Variants in PDE4D observed in about 807,000 individuals in gnomAD.
The protein encoded by PDE4D is 3',5'-cyclic-AMP phosphodiesterase 4D.
In PDE4D, 24 loss-of-function variants were observed where a neutral mutation model predicts 87.4. The ratio of observed to expected loss-of-function variants is 0.27; its 90% CI spans 0.20 to 0.39. The LOEUF is 0.39. Ranked by LOEUF, PDE4D falls within the 10% of genes least tolerant of loss-of-function variation. PDE4D has a pLI of 1.00. For missense variants in PDE4D, 714 were observed against 1,041.0 expected, an observed-to-expected ratio of 0.69 and a Z score of 4.32; for synonymous variants, 384 against 383.2, an observed-to-expected ratio of 1.00 and a Z score of -0.02.
intron 1 of PDE4D, among the ~76,000 whole-genome samples, chr5:60,520,548 C>T (rs1487491905): frequency 1.3e-5 from 2 of 152,276 alleles, no homozygotes; most frequent in Non-Finnish European, 2.9e-5. Flanking sequence ...CTTGTGAGTC[C>T]AGAAAAGAGA....
At chr5:59,171,301 A>AC (rs1340408730) in intron 5 of PDE4D, among the ~76,000 whole-genome samples, 1 of 151,874 alleles carries the variant, frequency 6.6e-6, no homozygotes, top group Non-Finnish European at 1.5e-5. Flanking sequence ...CCCCACTTCC[A>AC]CCCCAGTTCA....
At chr5:60,476,269 G>T (rs1379654990) in intron 1 of PDE4D, among the ~76,000 whole-genome samples, 1 of 152,196 alleles carries the variant, frequency 6.6e-6, no homozygotes, top group Non-Finnish European at 1.5e-5. Context: ...CCGGAAGTCT[G>T]TTGGGTCTAC....
At chr5:59,689,038 A>T (rs1750426680) in intron 1 of PDE4D, among the ~76,000 whole-genome samples, 1 of 152,234 alleles carries the variant, frequency 6.6e-6, no homozygotes. Flanking sequence ...TGAATCCCTC[A>T]ATAGACCAAT....
intron 1 of PDE4D, among the ~76,000 whole-genome samples, chr5:59,651,128 A>C (rs911470082): frequency 6.6e-6 from 1 of 151,486 alleles, no homozygotes; most frequent in Non-Finnish European, 1.5e-5. Flanking sequence ...TGGTGGCAGG[A>C]GCCTGTAGTC....
intron 1 of PDE4D, among the ~76,000 whole-genome samples, chr5:60,437,653 T>G (rs1057460488): frequency 1.1e-4 from 17 of 152,154 alleles, no homozygotes; most frequent in Non-Finnish European, 2.2e-4. Flanking sequence ...ATGTTTATAT[T>G]AATACCCTTT....
Position 58,972,295 on chromosome 5 carries a change from C to T in PDE4D, c.*2369G>A, listed in dbSNP as rs796829320. On this transcript the variant is annotated 3_prime_UTR_variant, in exon 15 of 15. Transcript: ENST00000340635. Reference sequence around the variant, plus strand: ...TTGTGAAACTACTTGGTCAAACATACGTCTTTATTTTTTTCTTATTTGAAA... The same window carrying T: ...TTGTGAAACTACTTGGTCAAACATATGTCTTTATTTTTTTCTTATTTGAAA... The T allele has an allele frequency of 3.9e-5, 6 of 152,672 alleles. No individual in the cohort carries two copies. The highest frequency in any genetic ancestry group is 7.2e-5 in the African/African-American group (3 of 41,572). 9.5% of individuals were successfully genotyped at this position (152,672 alleles called of 1,614,324 possible). A position where few individuals can be genotyped will look rare whatever the true frequency, so the allele number is the denominator to read the frequency against.
At chr5:60,025,620 G>A (rs1766543457) in intron 2 of PDE4D, among the ~76,000 whole-genome samples, 1 of 151,794 alleles carries the variant, frequency 6.6e-6, no homozygotes, top group South Asian at 2.1e-4. Context: ...ATAATGAGAA[G>A]AGACTTAGAA....
At chr5:59,688,434 T>G (rs1300190731) in intron 1 of PDE4D, among the ~76,000 whole-genome samples, 1 of 152,154 alleles carries the variant, frequency 6.6e-6, no homozygotes, top group East Asian at 1.9e-4. Context: ...ACCGCTCAAC[T>G]ACATGGAAAC....
intron 1 of PDE4D, among the ~76,000 whole-genome samples, chr5:59,264,796 G>A (rs1385462357): frequency 2.0e-5 from 3 of 151,966 alleles, no homozygotes; most frequent in Non-Finnish European, 2.9e-5. Context: ...CTGCTCTAAC[G>A]TATTGCATTC....
At chr5:59,684,084 C>G (rs1433227129) in intron 1 of PDE4D, among the ~76,000 whole-genome samples, 1 of 152,210 alleles carries the variant, frequency 6.6e-6, no homozygotes, top group African/African-American at 2.4e-5. Flanking sequence ...TAACCATGAA[C>G]TTGAAAATGA....
chr5:59,647,352 G>A (rs886445064), intron 1 of PDE4D, among the ~76,000 whole-genome samples: 1 of 151,782 alleles, frequency 6.6e-6, no homozygotes, highest in Non-Finnish European at 1.5e-5. Context: ...TGTAAATTTA[G>A]ATAAACTGAG....
chr5:60,408,584 G>A (rs760535773), intron 1 of PDE4D, among the ~76,000 whole-genome samples: 1 of 152,148 alleles, frequency 6.6e-6, no homozygotes, highest in Non-Finnish European at 1.5e-5. Context: ...TGCAAATGGA[G>A]GGCCTGTAAT....
chr5:59,803,306 C>T (rs1767360826), intron 1 of PDE4D, among the ~76,000 whole-genome samples: 2 of 130,450 alleles, frequency 1.5e-5, no homozygotes, highest in Non-Finnish European at 1.6e-5. Context: ...CTAGAAACTC[C>T]TTTTTTTTTT....
chr5:60,117,398 C>T (rs1458813537), intron 2 of PDE4D, among the ~76,000 whole-genome samples: 1 of 151,918 alleles, frequency 6.6e-6, no homozygotes, highest in Admixed American at 6.6e-5. Flanking sequence ...ATAAACTCAA[C>T]CCTACACTTA....
At chr5:60,018,416 T>C (rs185219410) in intron 2 of PDE4D, among the ~76,000 whole-genome samples, 45 of 152,236 alleles carry the variant, frequency 3.0e-4, no homozygotes, top group African/African-American at 1.1e-3. Flanking sequence ...GGACACTATA[T>C]AGCAACTGCA....
chr5:59,378,182 A>G (rs1242075747), intron 1 of PDE4D, among the ~76,000 whole-genome samples: 1 of 152,246 alleles, frequency 6.6e-6, no homozygotes. Context: ...ATGCAAGAAC[A>G]GAAAACCAAA....
rs55796463 is a variant in PDE4D at position 59,891,787 on chromosome 5, T to TCACACACACACA, written c.455+1369_455+1380dup. 2.3e-3 allele frequency among the ~76,000 whole-genome samples: 350 copies of TCACACACACACA among 150,376 alleles called. 1 individual carries two copies. The highest frequency in any genetic ancestry group is 0.011 in the South Asian group (54 of 4,720). ...TAGTGTATACAACAGAGAGACATGCTCACACACACACACACACACAAAACT... is the reference window on the plus strand; with the variant it reads ...TAGTGTATACAACAGAGAGACATGCTCACACACACACACACACACACACACACACACAAAACT... On this transcript the variant is annotated intron_variant, in intron 1 of 14. Coordinates refer to ENST00000340635, the MANE Select transcript of PDE4D (RefSeq NM_001104631.2).
intron 1 of PDE4D, among the ~76,000 whole-genome samples, chr5:60,419,363 G>C (rs1158599059): frequency 6.6e-6 from 1 of 151,410 alleles, no homozygotes; most frequent in Non-Finnish European, 1.5e-5. Flanking sequence ...GTAGAAAAAA[G>C]ACAAAACACA....
At chr5:60,271,817 G>T (rs1750843027) in intron 1 of PDE4D, among the ~76,000 whole-genome samples, 1 of 152,108 alleles carries the variant, frequency 6.6e-6, no homozygotes, top group African/African-American at 2.4e-5. Context: ...TGCTCCAAAG[G>T]AACATGAAGT....
Sources: gnomAD v4.1 joint callset for allele counts (sites outside exome capture counted in the v4.1 genomes callset) on GRCh38, gnomAD v4.1.1 for gene constraint, MANE v1.5 for transcripts, NCBI Gene and HGNC (gene_info 2026-07-23, HGNC 2026-07-21) for gene names.